PSMD14: variants seen among roughly 807,000 people sequenced by gnomAD.
PSMD14 encodes the protein proteasome 26S subunit, non-ATPase 14.
A neutral mutation model predicts 41.2 loss-of-function variants in PSMD14; 7 were observed. The observed-to-expected ratio is 0.17, with a 90% CI of 0.10 to 0.32. The LOEUF is 0.32. Ranked by LOEUF, PSMD14 falls within the 10% of genes least tolerant of loss-of-function variation. PSMD14 has a pLI of 1.00. For missense variants in PSMD14, 139 were observed against 375.6 expected (o/e 0.37, Z 5.21); for synonymous variants, 114 against 122.3 (o/e 0.93, Z 0.45).
chr2:161,334,137 A>T (rs1339191211), intron 3 of PSMD14, among the ~76,000 whole-genome samples: 1 of 152,222 alleles, frequency 6.6e-6, no homozygotes, highest in Non-Finnish European at 1.5e-5. Flanking sequence ...GTTCGAGACC[A>T]GCTTGACCAA....
intron 7 of PSMD14, among the ~76,000 whole-genome samples, chr2:161,371,535 GT>G (rs1465402817): frequency 1.3e-5 from 2 of 151,998 alleles, no homozygotes; most frequent in Middle Eastern, 3.2e-3. Context: ...CACTTATTGT[GT>G]AATTTTCCTG....
intron 10 of PSMD14, among the ~76,000 whole-genome samples, chr2:161,401,795 T>TTAC (rs1683883377): frequency 6.6e-6 from 1 of 151,812 alleles, no homozygotes. Context: ...ATTATTATTA[T>TTAC]TCAGGTTGTA....
At chr2:161,370,595 G>GT (rs1683418380) in intron 6 of PSMD14, among the ~76,000 whole-genome samples, 1 of 152,114 alleles carries the variant, frequency 6.6e-6, no homozygotes, top group Non-Finnish European at 1.5e-5. Context: ...ATATTCTAAA[G>GT]TTTTTTCCTC....
rs370663872 is a variant in PSMD14 at position 161,345,793 on chromosome 2, A to AT, written c.49-21679dup. 2.0e-3 allele frequency among the ~76,000 whole-genome samples: 298 copies of AT among 151,878 alleles called. 1 individual carries two copies. Among genetic ancestry groups the AT allele is most frequent in the Middle Eastern group, 6.8e-3 (2 of 294 alleles). ...TCCCAGGAATCCCAAAGATATTTAT[A>AT]TTTTTTCTGCTTATAATTGTAGATG... On this transcript the variant is annotated intron_variant, in intron 3 of 11. Transcript: ENST00000409682.
chr2:161,411,103 CTAT>C (rs1039533131), intron 11 of PSMD14, among the ~76,000 whole-genome samples, 196 bp from the exon 12 acceptor site: 9 of 152,010 alleles, frequency 5.9e-5, no homozygotes, highest in Non-Finnish European at 1.0e-4. Flanking sequence ...ATTGTGTAAT[CTAT>C]TATTTTATTA....
chr2:161,319,757 A>G (rs1428095201), intron 3 of PSMD14, among the ~76,000 whole-genome samples: 1 of 152,188 alleles, frequency 6.6e-6, no homozygotes, highest in Non-Finnish European at 1.5e-5. Context: ...GTTTACTATA[A>G]GAAGCAGTTT....
intron 3 of PSMD14, among the ~76,000 whole-genome samples, chr2:161,332,860 A>G (rs560015664): frequency 6.6e-6 from 1 of 152,156 alleles, no homozygotes; most frequent in Non-Finnish European, 1.5e-5. Context: ...TTGGTTGGGG[A>G]TCTGACTGGC....
intron 3 of PSMD14, chr2:161,341,028 G>A: frequency 6.2e-7 from 1 of 1,606,802 alleles, no homozygotes; most frequent in Non-Finnish European, 8.5e-7. Context: ...CGCTGGCGCC[G>A]CCGCGGGATC....
chr2:161,334,485 T>C (rs1310258897), intron 3 of PSMD14, among the ~76,000 whole-genome samples: 6 of 152,234 alleles, frequency 3.9e-5, no homozygotes, highest in Non-Finnish European at 7.3e-5. Flanking sequence ...GGTTTCCCTT[T>C]ACAGGTGAGG....
At chr2:161,408,935 A>C (rs774584975) in intron 11 of PSMD14, 36 bp downstream of exon 11, 38 of 1,524,364 alleles carry the variant, frequency 2.5e-5, no homozygotes, top group Middle Eastern at 1.7e-4. Flanking sequence ...GCAGTTGCAT[A>C]ATAACATGTT....
chr2:161,393,878 C>G (rs906090653), intron 9 of PSMD14, among the ~76,000 whole-genome samples: 1 of 151,718 alleles, frequency 6.6e-6, no homozygotes, highest in Middle Eastern at 3.4e-3. Flanking sequence ...AATTGTAAGT[C>G]CAATTTGAGA....
At chr2:161,404,249 A>G (rs567748302) in intron 10 of PSMD14, among the ~76,000 whole-genome samples, 5 of 152,208 alleles carry the variant, frequency 3.3e-5, no homozygotes, top group East Asian at 1.9e-4. Context: ...CAGCTAGTCT[A>G]TAAGCTCTGT....
At chr2:161,377,160 T>C (rs1683514177) in intron 7 of PSMD14, among the ~76,000 whole-genome samples, 2 of 151,978 alleles carry the variant, frequency 1.3e-5, no homozygotes, top group South Asian at 4.1e-4. Flanking sequence ...ATTTATAAGA[T>C]AATTTTTTGA....
intron 7 of PSMD14, chr2:161,382,927 A>G (rs1683587058): frequency 1.3e-5 from 2 of 151,540 alleles, no homozygotes. Flanking sequence ...TATATCTAAG[A>G]TTTCTGTTCT....
chr2:161,344,814 T>G (rs556913909), intron 3 of PSMD14, among the ~76,000 whole-genome samples: 1 of 152,344 alleles, frequency 6.6e-6, no homozygotes, highest in Admixed American at 6.5e-5. Context: ...CATATGATTT[T>G]CAGATATTAT....
At chr2:161,352,298 T>C (rs993656535) in intron 3 of PSMD14, among the ~76,000 whole-genome samples, 2 of 152,194 alleles carry the variant, frequency 1.3e-5, no homozygotes, top group African/African-American at 4.8e-5. Flanking sequence ...TCTCTGAGGG[T>C]GGGCCCAGGC....
At chr2:161,346,998 C>T (rs909078932) in intron 3 of PSMD14, among the ~76,000 whole-genome samples, 2 of 152,056 alleles carry the variant, frequency 1.3e-5, no homozygotes, top group African/African-American at 4.8e-5. Flanking sequence ...GTACTCTGTC[C>T]AGATTACGAG....
intron 3 of PSMD14, among the ~76,000 whole-genome samples, chr2:161,337,401 T>C (rs1682885443): frequency 6.6e-6 from 1 of 152,210 alleles, no homozygotes; most frequent in Admixed American, 6.5e-5. Context: ...GCCTTACATA[T>C]GTTATCTCAT....
chr2:161,312,530 A>T (rs761506699), intron 1 of PSMD14, among the ~76,000 whole-genome samples: 21 of 152,254 alleles, frequency 1.4e-4, no homozygotes, highest in Non-Finnish European at 1.0e-4. Flanking sequence ...GAAAAAGTGG[A>T]AAGTAATCAA....
Sources: allele counts gnomAD v4.1 joint callset (sites outside exome capture counted in the v4.1 genomes callset), GRCh38; gene constraint gnomAD v4.1.1; transcripts MANE v1.5; gene names NCBI Gene and HGNC (gene_info 2026-07-23, HGNC 2026-07-21).